TRDN: variants seen among roughly 807,000 people sequenced by gnomAD.
The protein encoded by TRDN is triadin in skeletal muscle.
A neutral mutation model predicts 149.7 loss-of-function variants in TRDN; 161 were observed. The ratio of observed to expected loss-of-function variants is 1.08; its 90% confidence interval spans 0.95 to 1.23. TRDN has a LOEUF of 1.23. TRDN is among the 50% of genes most tolerant of loss of function. The pLI is 0.00. For synonymous variants in TRDN, 294 were observed against 250.5 expected, an observed-to-expected ratio of 1.17 and a Z score of -1.64; for missense variants, 896 against 823.5, an observed-to-expected ratio of 1.09 and a Z score of -1.08.
intron 20 of TRDN, among the ~76,000 whole-genome samples, chr6:123,362,905 A>G (rs1780956804): frequency 2.6e-5 from 4 of 152,194 alleles, no homozygotes; most frequent in Non-Finnish European, 5.9e-5. Context: ...GAAAATGATT[A>G]GAAAACTGCA....
chr6:123,376,137 A>G (rs1054118283), intron 18 of TRDN, among the ~76,000 whole-genome samples: 15 of 152,178 alleles, frequency 9.9e-5, no homozygotes, highest in Non-Finnish European at 2.2e-4. Context: ...TCAATATTAG[A>G]CAGTAATATT....
chr6:123,380,446 C>T (rs1049258320), intron 16 of TRDN, among the ~76,000 whole-genome samples: 5 of 152,272 alleles, frequency 3.3e-5, no homozygotes, highest in Middle Eastern at 3.4e-3. Flanking sequence ...TCTGCACACA[C>T]GTAAATCTGG....
chr6:123,326,300 A>G (rs1446830560), intron 23 of TRDN, among the ~76,000 whole-genome samples: 4 of 152,030 alleles, frequency 2.6e-5, no homozygotes, highest in African/African-American at 9.7e-5. Flanking sequence ...GATTTCTACT[A>G]GAATGTCCTA....
intron 10 of TRDN, among the ~76,000 whole-genome samples, chr6:123,450,174 C>A (rs1397961200): frequency 6.6e-6 from 1 of 151,974 alleles, no homozygotes; most frequent in Non-Finnish European, 1.5e-5. Flanking sequence ...AAAGCAAAAA[C>A]AAAATAACCA....
At chr6:123,536,558 C>G (rs1160233600) in intron 4 of TRDN, among the ~76,000 whole-genome samples, 1 of 151,832 alleles carries the variant, frequency 6.6e-6, no homozygotes, top group Non-Finnish European at 1.5e-5. Flanking sequence ...TACTTATAAA[C>G]TGCAACGATT....
At chr6:123,590,294 T>C (rs931728399) in intron 1 of TRDN, among the ~76,000 whole-genome samples, 5 of 152,174 alleles carry the variant, frequency 3.3e-5, no homozygotes, top group Non-Finnish European at 7.4e-5. Flanking sequence ...GAATTGTGCA[T>C]GGGAGGAATC....
At chr6:123,342,197 T>C (rs1780088027) in intron 21 of TRDN, among the ~76,000 whole-genome samples, 1 of 151,870 alleles carries the variant, frequency 6.6e-6, no homozygotes, top group Non-Finnish European at 1.5e-5. Flanking sequence ...TTCAGAAAGA[T>C]CAGGAATATT....
intron 9 of TRDN, among the ~76,000 whole-genome samples, chr6:123,481,867 G>T (rs959245486): frequency 6.6e-6 from 1 of 152,128 alleles, no homozygotes; most frequent in African/African-American, 2.4e-5. Context: ...AATGCAAGGG[G>T]ATAATTTTTA....
intron 38 of TRDN, among the ~76,000 whole-genome samples, chr6:123,249,268 A>T (rs1776292850): frequency 6.6e-6 from 1 of 151,932 alleles, no homozygotes; most frequent in South Asian, 2.1e-4. Flanking sequence ...GGCTATTATT[A>T]AAAAGTCAAA....
At chr6:123,625,621 G>T (rs1054936270) in intron 1 of TRDN, among the ~76,000 whole-genome samples, 4 of 152,070 alleles carry the variant, frequency 2.6e-5, no homozygotes, top group Non-Finnish European at 5.9e-5. Flanking sequence ...CTAACACAAA[G>T]AAAGGATAAA....
intron 38 of TRDN, among the ~76,000 whole-genome samples, chr6:123,240,990 C>G (rs1775969301): frequency 6.6e-6 from 1 of 151,778 alleles, no homozygotes; most frequent in Non-Finnish European, 1.5e-5. Flanking sequence ...AGCAAAGATG[C>G]TATCAACATA....
intron 35 of TRDN, among the ~76,000 whole-genome samples, chr6:123,258,988 C>T (rs938526576): frequency 1.3e-5 from 2 of 152,024 alleles, no homozygotes; most frequent in African/African-American, 2.4e-5. Flanking sequence ...GTGATATCCC[C>T]TTTGTTATTT....
chr6:123,622,722 T>C (rs1785462708), intron 1 of TRDN, among the ~76,000 whole-genome samples: 1 of 152,050 alleles, frequency 6.6e-6, no homozygotes, highest in South Asian at 2.1e-4. Flanking sequence ...GTATATAGAG[T>C]TCTTGCGCAT....
Position 123,636,796 on chromosome 6 carries a change from GT to G in TRDN, c.-22del. 6.2e-7 allele frequency: 1 copy of G among 1,611,382 alleles called. No individual in the cohort carries two copies. Among genetic ancestry groups the G allele is most frequent in the Non-Finnish European group, 8.5e-7 (1 of 1,178,282 alleles). ...GTCATGGTGGTCGTCAAAAGTAAAAGTCAGTTGAAAAGTTCCCGTCAAGTTG... is the reference window on the plus strand; with the variant it reads ...GTCATGGTGGTCGTCAAAAGTAAAAGCAGTTGAAAAGTTCCCGTCAAGTTG... On this transcript the variant is annotated 5_prime_UTR_variant, in exon 1 of 41. Coordinates refer to ENST00000334268, the MANE Select transcript of TRDN (RefSeq NM_006073.4).
intron 24 of TRDN, 26 bp downstream of exon 24, chr6:123,316,427 TTGTA>T (rs1779024169): frequency 6.2e-7 from 1 of 1,601,148 alleles, no homozygotes; most frequent in Non-Finnish European, 8.5e-7. Context: ...GAACATCTCC[TTGTA>T]TGTAAATCTT....
At chr6:123,333,711 C>A (rs1779753228) in intron 22 of TRDN, among the ~76,000 whole-genome samples, 1 of 152,068 alleles carries the variant, frequency 6.6e-6, no homozygotes, top group South Asian at 2.1e-4. Context: ...TACATGGAAA[C>A]TCTGCACTTC....
chr6:123,523,432 C>T (rs74613128), intron 5 of TRDN, among the ~76,000 whole-genome samples: 9,953 of 152,004 alleles, frequency 0.065, 1,096 homozygotes, highest in African/African-American at 0.23. Flanking sequence ...TGATAAACTA[C>T]GAAGCTGGAA....
intron 38 of TRDN, among the ~76,000 whole-genome samples, chr6:123,230,081 G>A (rs1051783734): frequency 2.6e-5 from 4 of 151,914 alleles, no homozygotes; most frequent in Admixed American, 2.0e-4. Flanking sequence ...AAAGACACAT[G>A]CACACGTATG....
intron 24 of TRDN, among the ~76,000 whole-genome samples, chr6:123,310,064 G>C (rs1778759198): frequency 6.6e-6 from 1 of 152,030 alleles, no homozygotes; most frequent in African/African-American, 2.4e-5. Flanking sequence ...GAAGTTTTGT[G>C]GGTAGCTGCT....
Sources: gnomAD v4.1 joint callset for allele counts (sites outside exome capture counted in the v4.1 genomes callset) on GRCh38, gnomAD v4.1.1 for gene constraint, MANE v1.5 for transcripts, NCBI Gene and HGNC (gene_info 2026-07-23, HGNC 2026-07-21) for gene names.